The following OLR1 variants were observed in gnomAD, a reference collection of about 807,000 sequenced individuals.
OLR1 encodes oxidized low-density lipoprotein receptor 1.
In OLR1, 23 loss-of-function variants were observed where a neutral mutation model predicts 31.7. That is an observed-to-expected ratio of 0.72 (90% CI 0.52 to 1.03). The LOEUF (loss-of-function observed/expected upper bound fraction) is 1.03, where lower values mean the gene tolerates loss of function less well. Among genes scored for constraint, OLR1 ranks in the 50% least tolerant of loss-of-function variants. The probability of loss-of-function intolerance (pLI) is 0.00; values close to 1 mark genes in which losing one functional copy is unlikely to be tolerated. For synonymous variants in OLR1, 117 were observed against 115.8 expected (o/e 1.01, Z -0.07); for missense variants, 286 against 315.7 (o/e 0.91, Z 0.71).
intron 3 of OLR1, among the ~76,000 whole-genome samples, chr12:10,164,572 A>T (rs1948645532): frequency 1.3e-5 from 2 of 152,226 alleles, no homozygotes; most frequent in South Asian, 4.1e-4. Context: ...TTGTGCAAGC[A>T]AGAAGCTAGA....
intron 1 of OLR1, among the ~76,000 whole-genome samples, chr12:10,169,633 A>ATCAAGCAAACAAGCTTTCTTCAGT (rs1232650470): frequency 1.3e-5 from 2 of 152,228 alleles, no homozygotes; most frequent in African/African-American, 4.8e-5. Flanking sequence ...AATATCAGAC[A>ATCAAGCAAACAAGCTTTCTTCAGT]TCAAGCAAAC....
At chr12:10,172,921 A>G (rs1258671868), upstream of OLR1, among the ~76,000 whole-genome samples, 2 of 152,222 alleles carry the variant, frequency 1.3e-5, no homozygotes, top group East Asian at 1.9e-4. Flanking sequence ...GGTAAAAATA[A>G]TAAGCTTTTT....
At position 10,159,784 on chromosome 12, in the gene OLR1, C is replaced by A. The variant is rs1449230326; in HGVS notation, c.*96G>T. On this transcript the variant is annotated 3_prime_UTR_variant, in exon 6 of 6. Coordinates refer to ENST00000309539, the MANE Select transcript of OLR1 (RefSeq NM_002543.4). Reference sequence around the variant, plus strand: ...CTGCAGCCAGCTAAATGACAGTTTTCTGGGCTCTCATGTTTGGCACCCAAG... The same window carrying A: ...CTGCAGCCAGCTAAATGACAGTTTTATGGGCTCTCATGTTTGGCACCCAAG... The A allele has an allele frequency of 7.9e-7, 1 of 1,273,432 alleles. No individual in the cohort carries two copies. Among genetic ancestry groups the A allele is most frequent in the Non-Finnish European group, 1.1e-6 (1 of 937,610 alleles). The allele number at this position is 1,273,432 out of a possible 1,614,324, so 78.9% of individuals were successfully genotyped here. A position where few individuals can be genotyped will look rare whatever the true frequency, so the allele number is the denominator to read the frequency against.
intron 2 of OLR1, 28 bp from the exon 3 acceptor site, chr12:10,166,985 G>A (rs866565028): frequency 1.3e-6 from 2 of 1,574,486 alleles, no homozygotes; most frequent in Middle Eastern, 1.7e-4. Context: ...TAAGACTCTA[G>A]TTCTAATCCA....
At chr12:10,172,738 T>C (rs1470061568), upstream of OLR1, among the ~76,000 whole-genome samples, 1 of 152,224 alleles carries the variant, frequency 6.6e-6, no homozygotes, top group Non-Finnish European at 1.5e-5. Context: ...TTCAGTACTT[T>C]CCTTTAGTCT....
chr12:10,166,884 C>T lies in OLR1; in HGVS notation c.252G>A (p.Gln84=). ...LTHQKKKLEG[Q]ISARQQAEEA... is the part of the protein sequence containing the mutation. ...CTTCTGCTTGTTGCCGGGCTGAGATCTGTCCCTCCAGTTTCTTTTTCTGGT... is the reference window on the plus strand; with the variant it reads ...CTTCTGCTTGTTGCCGGGCTGAGATTTGTCCCTCCAGTTTCTTTTTCTGGT... The change falls in exon 3 of 6, where the codon CAG becomes CAA. Residue 84 remains glutamine (Q), a synonymous_variant. Transcript: ENST00000309539. 6.2e-7 allele frequency: 1 copy of T among 1,613,744 alleles called. No individual in the cohort carries two copies. The highest frequency in any genetic ancestry group is 1.3e-5 in the African/African-American group (1 of 74,904).
chr12:10,170,118 T>C (rs1287670102), intron 1 of OLR1, among the ~76,000 whole-genome samples: 2 of 152,258 alleles, frequency 1.3e-5, no homozygotes, highest in African/African-American at 4.8e-5. Context: ...AAGTCTTTAG[T>C]CTAATTGTCA....
In OLR1 at chr12:10,170,478, C is replaced by T. The variant is rs1948703330; in HGVS notation, c.77-1303G>A. 3 of 150,158 alleles carry T rather than the reference C, an allele frequency of 2.0e-5. No individual in the cohort carries two copies. In the South Asian group the frequency reaches 6.3e-4, roughly 32 times the overall value. 9.3% of individuals were successfully genotyped at this position (150,158 alleles called of 1,614,324 possible). A position where few individuals can be genotyped will look rare whatever the true frequency, so the allele number is the denominator to read the frequency against. On this transcript the variant is annotated intron_variant, in intron 1 of 5. Transcript: ENST00000309539. ...ATTCCACATTGTAGGGCATCAGATACCCTCATCGTGCTCTTTTTTTTTTTT... is the reference window on the plus strand; with the variant it reads ...ATTCCACATTGTAGGGCATCAGATATCCTCATCGTGCTCTTTTTTTTTTTT...
At chr12:10,160,533 T>C in intron 4 of OLR1, 71 bp from the exon 5 acceptor site, 1 of 1,281,820 alleles carries the variant, frequency 7.8e-7, no homozygotes, top group Non-Finnish European at 1.1e-6. Context: ...TCAGTTAGTG[T>C]TGGATCCACA....
chr12:10,170,961 C>T (rs948664040), intron 1 of OLR1: 5 of 152,034 alleles, frequency 3.3e-5, no homozygotes, highest in Admixed American at 6.6e-5. Flanking sequence ...TAAACCAATC[C>T]GATTCTTTGC....
chr12:10,165,152 A>G (rs1196564611), intron 3 of OLR1, among the ~76,000 whole-genome samples: 1 of 152,130 alleles, frequency 6.6e-6, no homozygotes, highest in African/African-American at 2.4e-5. Flanking sequence ...AATCCCAACT[A>G]TTCGGGAGGC....
intron 3 of OLR1, among the ~76,000 whole-genome samples, chr12:10,165,037 C>T (rs1026979192): frequency 2.0e-5 from 3 of 151,994 alleles, no homozygotes; most frequent in Non-Finnish European, 4.4e-5. Flanking sequence ...CCGAGGCGGG[C>T]GGATCACCCG....
Position 10,159,748 on chromosome 12 carries a change from G to C in OLR1, c.*132C>G, listed in dbSNP as rs772122949. 8.4e-6 allele frequency: 7 copies of C among 829,230 alleles called. No individual in the cohort carries two copies. The highest frequency in any genetic ancestry group is 1.2e-5 in the Non-Finnish European group (7 of 561,918). The allele number at this position is 829,230 out of a possible 1,614,324, so 51.4% of individuals were successfully genotyped here. A position where few individuals can be genotyped will look rare whatever the true frequency, so the allele number is the denominator to read the frequency against. ...CCAGGCTCCTGGAACCCCAGTTTCT[G>C]CAAAGGAGTTCTGCAGCCAGCTAAA... On this transcript the variant is annotated 3_prime_UTR_variant, in exon 6 of 6. Transcript: ENST00000309539.
At chr12:10,173,763 T>TAA (rs5796383), upstream of OLR1, among the ~76,000 whole-genome samples, 3 of 130,330 alleles carry the variant, frequency 2.3e-5, no homozygotes, top group African/African-American at 8.7e-5. Context: ...AGACTCCCTT[T>TAA]AAAAAAAAAA....
intron 3 of OLR1, among the ~76,000 whole-genome samples, chr12:10,161,993 T>C (rs1292516651): frequency 6.6e-6 from 1 of 150,798 alleles, no homozygotes; most frequent in Admixed American, 6.6e-5. Context: ...CTAGGGAAAA[T>C]AGTATATTAA....
intron 4 of OLR1, 32 bp downstream of exon 4, chr12:10,160,754 C>T (rs776358905): frequency 7.5e-6 from 12 of 1,607,996 alleles, no homozygotes; most frequent in Non-Finnish European, 1.0e-5. Context: ...TCAACCAATA[C>T]TCCACCCCAA....
At chr12:10,174,300 T>A (rs1483420668), upstream of OLR1, among the ~76,000 whole-genome samples, 1 of 152,104 alleles carries the variant, frequency 6.6e-6, no homozygotes, top group African/African-American at 2.4e-5. Flanking sequence ...TGTCCTCAAG[T>A]GATCCGCCTG....
At chr12:10,166,535 A>AG (rs2137514600) in intron 3 of OLR1, among the ~76,000 whole-genome samples, 177 bp downstream of exon 3, 1 of 152,104 alleles carries the variant, frequency 6.6e-6, no homozygotes, top group East Asian at 1.9e-4. Flanking sequence ...CTAAAAAAAA[A>AG]AAAGAAAAAG....
intron 3 of OLR1, among the ~76,000 whole-genome samples, chr12:10,164,656 A>G (rs1054536494): frequency 3.9e-5 from 6 of 152,184 alleles, no homozygotes; most frequent in South Asian, 2.1e-4. Context: ...CCTCCAAGGA[A>G]ACAAAGTACC....
Sources: gnomAD v4.1 joint callset for allele counts (sites outside exome capture counted in the v4.1 genomes callset) on GRCh38, gnomAD v4.1.1 for gene constraint, MANE v1.5 for transcripts, NCBI Gene and HGNC (gene_info 2026-07-23, HGNC 2026-07-21) for gene names.